Variants in ZNF574 observed in about 807,000 individuals in gnomAD.
ZNF574 encodes the protein zinc finger protein 574.
A neutral mutation model predicts 56.6 loss-of-function variants in ZNF574; 25 were observed. The observed-to-expected ratio is 0.44, with a 90% CI of 0.32 to 0.62. The LOEUF is 0.62. Ranked by LOEUF, ZNF574 falls within the 20% of genes least tolerant of loss-of-function variation. ZNF574 has a pLI of 0.04. For missense variants in ZNF574, 1,065 were observed against 1,218.9 expected, an observed-to-expected ratio of 0.87 and a Z score of 1.88; for synonymous variants, 543 against 492.1, an observed-to-expected ratio of 1.10 and a Z score of -1.37.
upstream of ZNF574, among the ~76,000 whole-genome samples, chr19:42,073,316 G>A (rs944226623): frequency 6.6e-6 from 1 of 152,154 alleles, no homozygotes; most frequent in Non-Finnish European, 1.5e-5. Flanking sequence ...TGTAAGCATT[G>A]AGCATAATAC....
chr19:42,069,726 G>A (rs1444620531), intron 1 of ZNF574, among the ~76,000 whole-genome samples: 2 of 144,660 alleles, frequency 1.4e-5, no homozygotes, highest in African/African-American at 2.5e-5. Flanking sequence ...GGAGGGGAGG[G>A]CCTGCTGGGG....
intron 1 of ZNF574, among the ~76,000 whole-genome samples, chr19:42,069,860 C>T (rs991971304): frequency 6.6e-6 from 1 of 151,778 alleles, no homozygotes; most frequent in Non-Finnish European, 1.5e-5. Context: ...GGGGAGAGCC[C>T]GGGAGTGGAG....
At chr19:42,074,013 G>A (rs1213198486), upstream of ZNF574, among the ~76,000 whole-genome samples, 3 of 151,096 alleles carry the variant, frequency 2.0e-5, no homozygotes, top group African/African-American at 7.3e-5. Flanking sequence ...TCTGCCTGTA[G>A]TCCCAGCTAC....
upstream of ZNF574, chr19:42,074,910 GTCTCGC>G (rs1046843196): frequency 6.6e-6 from 1 of 152,300 alleles, no homozygotes; most frequent in Non-Finnish European, 1.5e-5. Flanking sequence ...TTCAGATGGA[GTCTCGC>G]TCTGTCGCCC....
chr19:42,069,024 G>A, intron 1 of ZNF574: 1 of 512,206 alleles, frequency 2.0e-6, no homozygotes, highest in Non-Finnish European at 3.5e-6. Context: ...AGAGGGCCAG[G>A]GGCGGCAGTG....
chr19:42,075,887 G>A (rs2076451726), upstream of ZNF574, among the ~76,000 whole-genome samples: 1 of 152,234 alleles, frequency 6.6e-6, no homozygotes, highest in African/African-American at 2.4e-5. Flanking sequence ...TGGAGCCGTC[G>A]GAGGCGGAGT....
upstream of ZNF574, among the ~76,000 whole-genome samples, chr19:42,075,442 T>G (rs2076448759): frequency 6.6e-6 from 1 of 152,174 alleles, no homozygotes; most frequent in Admixed American, 6.5e-5. Context: ...TGTCCCTGCT[T>G]CTTTTTCTCC....
chr19:42,079,575 G>C lies in ZNF574; in HGVS notation c.969G>C (p.Gln323His). 1 of 1,614,142 alleles carries C rather than the reference G, an allele frequency of 6.2e-7. No individual in the cohort carries two copies. Among genetic ancestry groups the C allele is most frequent in the Non-Finnish European group, 8.5e-7 (1 of 1,180,026 alleles). ...ACDQLFLSPH[Q>H]LQQHLRSHRE... ...ACCAGCTCTTTCTCTCACCCCACCA[G>C]CTACAGCAGCACCTGCGGAGTCACC... Residue 323 changes from glutamine (Q) to histidine (H), a missense_variant, in exon 2 of 2, where the codon CAG becomes CAC. Coordinates refer to ENST00000359044, the MANE Select transcript of ZNF574 (RefSeq NM_022752.6). This position sits in a 1 kb window ranked among gnomAD's most constrained non-coding sequence, Gnocchi z 4.3.
chr19:42,076,063 C>A (rs2076452683), upstream of ZNF574: 1 of 152,308 alleles, frequency 6.6e-6, no homozygotes, highest in Admixed American at 6.5e-5. Context: ...CGTCGATTGG[C>A]CGAACGGCAG....
Position 42,068,548 on chromosome 19 carries a change from G to A in ZNF574, c.-164G>A, listed in dbSNP as rs2076373975. 1.5e-5 allele frequency: 6 copies of A among 401,368 alleles called. No homozygotes were observed. In the East Asian group the frequency reaches 1.8e-4, roughly 12 times the overall value. The allele number at this position is 401,368 out of a possible 1,614,324, so 24.9% of individuals were successfully genotyped here. ...GGGGGAAAGAGGTGGAAAAGTGACA[G>A]AGGGAAGACAGCCTCCAAGCTCAGA... On this transcript the variant is annotated 5_prime_UTR_variant, in exon 1 of 2. Coordinates refer to the ZNF574 transcript ENST00000222339.
At position 42,081,286 on chromosome 19, in the gene ZNF574, A is replaced by C. The variant is rs2146221340; in HGVS notation, c.2680A>C (p.Ile894Leu). ...TCTGGCCGAGGCTGAGGGGGTCCAGATCAGTGGCTGACTCTGCCCGACTTC... is the reference window on the plus strand; with the variant it reads ...TCTGGCCGAGGCTGAGGGGGTCCAGCTCAGTGGCTGACTCTGCCCGACTTC... ...YPLAEAEGVQ[I>L]SG The change falls in exon 2 of 2, where the codon ATC (isoleucine) becomes CTC (leucine). Residue 894 changes from isoleucine to leucine, a missense_variant. By Grantham distance (5) the Ile-to-Leu change is conservative. Transcript: ENST00000359044. The C allele has an allele frequency of 6.2e-7, 1 of 1,614,078 alleles. No homozygotes were observed. Among genetic ancestry groups the C allele is most frequent in the East Asian group, 2.2e-5 (1 of 44,862 alleles).
At chr19:42,072,645 C>T (rs184736593), upstream of ZNF574, among the ~76,000 whole-genome samples, 1 of 151,932 alleles carries the variant, frequency 6.6e-6, no homozygotes. Flanking sequence ...TGGCTCACTG[C>T]AACCTCCGCC....
chr19:42,078,597 T>C lies in ZNF574; in HGVS notation c.-10T>C. 1 of 1,604,304 alleles carries C rather than the reference T, an allele frequency of 6.2e-7. No individual in the cohort carries two copies. The highest frequency in any genetic ancestry group is 8.5e-7 in the Non-Finnish European group (1 of 1,172,804). ...TGTCTCCTCTTCCAGCCCAGGGCCT[T>C]GCTGCCGCCATGACTGAGGAATCAG... is the stretch of plus-strand genomic sequence containing the variant. On this transcript the variant is annotated 5_prime_UTR_variant, in exon 2 of 2. Coordinates refer to ENST00000359044, the MANE Select transcript of ZNF574 (RefSeq NM_022752.6).
In ZNF574 at chr19:42,079,659, G is replaced by C; in HGVS notation, c.1053G>C (p.Leu351=). The change falls in exon 2 of 2, where the codon CTG becomes CTC. Residue 351 remains leucine, a synonymous_variant. Coordinates refer to ENST00000359044, the MANE Select transcript of ZNF574 (RefSeq NM_022752.6). This position sits in a 1 kb window ranked among gnomAD's most constrained non-coding sequence, Gnocchi z 4.3. ...GTGTCTTCCCTAGCCCTTCCAGTCTGGACCAGCACCTTGGAGACCATAGCA... is the reference window on the plus strand; with the variant it reads ...GTGTCTTCCCTAGCCCTTCCAGTCTCGACCAGCACCTTGGAGACCATAGCA... The part of the protein sequence containing the change: ...CSRVFPSPSS[L]DQHLGDHSSE... 1 of 1,614,162 alleles carries C rather than the reference G, an allele frequency of 6.2e-7. No homozygotes were observed. The highest frequency in any genetic ancestry group is 8.5e-7 in the Non-Finnish European group (1 of 1,180,020).
chr19:42,079,766 C>G lies in ZNF574; in HGVS notation c.1160C>G (p.Thr387Ser). The change falls in exon 2 of 2, where the codon ACC (threonine) becomes AGC (serine). Residue 387 changes from threonine (T) to serine (S), a missense_variant. By Grantham distance (58) the Thr-to-Ser change is moderately conservative. Coordinates refer to ENST00000359044, the MANE Select transcript of ZNF574 (RefSeq NM_022752.6). This position sits in a 1 kb window ranked among gnomAD's most constrained non-coding sequence, Gnocchi z 4.3. ...ALLLAHRRAH[T>S]PNPLHSCPCG... Reference sequence around the variant, plus strand: ...CTCCTGGCCCACCGGCGAGCCCACACCCCGAATCCTCTGCATTCATGTCCA... The same window carrying G: ...CTCCTGGCCCACCGGCGAGCCCACAGCCCGAATCCTCTGCATTCATGTCCA... The G allele has an allele frequency of 6.2e-7, 1 of 1,614,212 alleles. No individual in the cohort carries two copies. Among genetic ancestry groups the G allele is most frequent in the Non-Finnish European group, 8.5e-7 (1 of 1,180,038 alleles).
In ZNF574 at chr19:42,079,306, G is replaced by A. The variant is rs373136550; in HGVS notation, c.700G>A (p.Ala234Thr). 1.7e-5 allele frequency: 28 copies of A among 1,613,974 alleles called. No individual in the cohort carries two copies. Among genetic ancestry groups the A allele is most frequent in the Non-Finnish European group, 2.4e-5 (28 of 1,180,006 alleles). The change falls in exon 2 of 2, where the codon GCC becomes ACC. Residue 234 changes from alanine to threonine, a missense_variant. Physicochemically the swap from Ala to Thr is moderately conservative, Grantham distance 58. Coordinates refer to ENST00000359044, the MANE Select transcript of ZNF574 (RefSeq NM_022752.6). This position sits in a 1 kb window ranked among gnomAD's most constrained non-coding sequence, Gnocchi z 4.3. Reference protein sequence around the residue: ...QLPADFLEHQATHFPAPVPES... With the variant: ...QLPADFLEHQTTHFPAPVPES... ...GCCGGCGGATTTCCTGGAGCACCAG[G>A]CCACTCACTTCCCTGCTCCTGTACC...
chr19:42,075,340 C>G (rs1338832591), upstream of ZNF574: 1 of 152,386 alleles, frequency 6.6e-6, no homozygotes, highest in Non-Finnish European at 1.5e-5. Flanking sequence ...GGAGTGGAGT[C>G]CGCCCGTTAC....
intron 1 of ZNF574, among the ~76,000 whole-genome samples, chr19:42,076,495 G>T (rs914080363): frequency 2.0e-5 from 3 of 151,724 alleles, no homozygotes; most frequent in Non-Finnish European, 4.4e-5. Flanking sequence ...GGAGTCGCGT[G>T]CGGGGCTGAG....
intron 1 of ZNF574, chr19:42,069,140 C>G (rs933668355): frequency 2.5e-6 from 1 of 405,452 alleles, no homozygotes; most frequent in African/African-American, 2.1e-5. Flanking sequence ...CTTGCCAGTC[C>G]GGAGAACGGG....
Sources: allele counts gnomAD v4.1 joint callset (sites outside exome capture counted in the v4.1 genomes callset), GRCh38; gene constraint gnomAD v4.1.1; non-coding constraint Gnocchi (gnomAD v3.1); transcripts MANE v1.5; gene names NCBI Gene and HGNC (gene_info 2026-07-23, HGNC 2026-07-21).